The following SLC7A14 variants were observed in gnomAD, a reference collection of about 807,000 sequenced individuals.
SLC7A14 encodes gamma-aminobutyric acid transporter SLC7A14.
SLC7A14 carries 37 observed loss-of-function variants against 60.2 expected under a neutral mutation model. The observed-to-expected ratio is 0.61, with a 90% CI of 0.47 to 0.81. The LOEUF is 0.81. Ranked by LOEUF, SLC7A14 falls within the 30% of genes least tolerant of loss-of-function variation. The pLI is 0.00. For synonymous variants in SLC7A14, 399 were observed against 395.8 expected (o/e 1.01, Z -0.10); for missense variants, 886 against 982.7 (o/e 0.90, Z 1.32).
At chr3:170,564,295 A>G (rs1714736780) in intron 1 of SLC7A14, among the ~76,000 whole-genome samples, 1 of 152,134 alleles carries the variant, frequency 6.6e-6, no homozygotes, top group South Asian at 2.1e-4. Context: ...GTTGTTAGAG[A>G]TCTGTTGTGC....
chr3:170,551,303 G>C (rs1200985890), intron 1 of SLC7A14, among the ~76,000 whole-genome samples: 1 of 152,156 alleles, frequency 6.6e-6, no homozygotes, highest in Non-Finnish European at 1.5e-5. Flanking sequence ...ATAGTATTCA[G>C]TTGATACCAT....
At chr3:170,576,432 G>C (rs1417969984) in intron 1 of SLC7A14, among the ~76,000 whole-genome samples, 4 of 152,210 alleles carry the variant, frequency 2.6e-5, no homozygotes, top group African/African-American at 9.6e-5. Flanking sequence ...ATATTAACCT[G>C]CTGGGAATCT....
chr3:170,531,135 C>A (rs1290314489), intron 1 of SLC7A14, among the ~76,000 whole-genome samples: 2 of 152,100 alleles, frequency 1.3e-5, no homozygotes, highest in Non-Finnish European at 2.9e-5. Context: ...GCTAGCACAG[C>A]AGAATTGAGG....
At position 170,480,626 on chromosome 3, in the gene SLC7A14, G is replaced by T; in HGVS notation, c.1656C>A (p.Gly552=). The T allele has an allele frequency of 6.2e-7, 1 of 1,614,244 alleles. No homozygotes were observed. The highest frequency in any genetic ancestry group is 2.2e-5 in the East Asian group (1 of 44,888). ...TCGCTGCTGTGGGCCGGTCCATTTT[G>T]CCTGGAAGGCCCAGCCGGATTCTCA... ...YTMRIRLGLP[G]KMDRPTAATG... The change falls in exon 7 of 8, where the codon GGC becomes GGA. Residue 552 remains glycine, a synonymous_variant. Transcript: ENST00000231706.
At chr3:170,544,955 G>A (rs770073318) in intron 1 of SLC7A14, among the ~76,000 whole-genome samples, 11 of 152,226 alleles carry the variant, frequency 7.2e-5, no homozygotes, top group East Asian at 3.9e-4. Context: ...TTTTCTGTGC[G>A]GTCTAATACA....
At chr3:170,513,091 A>G (rs1713038586) in intron 2 of SLC7A14, among the ~76,000 whole-genome samples, 1 of 152,172 alleles carries the variant, frequency 6.6e-6, no homozygotes, top group Non-Finnish European at 1.5e-5. Flanking sequence ...CTCCTACTGA[A>G]TGCAACAGCA....
chr3:170,496,808 G>A (rs535583216), intron 4 of SLC7A14, among the ~76,000 whole-genome samples: 2 of 152,328 alleles, frequency 1.3e-5, no homozygotes, highest in South Asian at 4.1e-4. Flanking sequence ...GGCTCCGCCA[G>A]GGCCATGGTT....
intron 2 of SLC7A14, among the ~76,000 whole-genome samples, chr3:170,504,766 A>C (rs1452490021): frequency 1.3e-5 from 2 of 152,090 alleles, no homozygotes; most frequent in Non-Finnish European, 2.9e-5. Flanking sequence ...TTTACAGCTA[A>C]AGTCAACTCT....
At chr3:170,559,505 C>T (rs576932318) in intron 1 of SLC7A14, among the ~76,000 whole-genome samples, 22 of 152,164 alleles carry the variant, frequency 1.4e-4, no homozygotes, top group Non-Finnish European at 2.6e-4. Flanking sequence ...ATAAGAGATG[C>T]GGCAGTCACA....
At chr3:170,492,714 G>A (rs1712260760) in intron 4 of SLC7A14, among the ~76,000 whole-genome samples, 1 of 152,172 alleles carries the variant, frequency 6.6e-6, no homozygotes, top group Non-Finnish European at 1.5e-5. Flanking sequence ...TACTCAGTAT[G>A]TGAGGTCCCT....
At chr3:170,559,832 A>G (rs1037639199) in intron 1 of SLC7A14, among the ~76,000 whole-genome samples, 1 of 152,230 alleles carries the variant, frequency 6.6e-6, no homozygotes, top group Admixed American at 6.5e-5. Flanking sequence ...ATGTGTAGTT[A>G]GCAACTAAAT....
intron 2 of SLC7A14, among the ~76,000 whole-genome samples, chr3:170,515,318 C>A (rs998081373): frequency 5.2e-5 from 5 of 96,586 alleles, no homozygotes; most frequent in African/African-American, 1.9e-4. Context: ...GTCCGCCCCC[C>A]CCAAAAAAAA....
At chr3:170,479,629 G>GA (rs1711744398) in intron 7 of SLC7A14, among the ~76,000 whole-genome samples, 2 of 152,222 alleles carry the variant, frequency 1.3e-5, no homozygotes, top group African/African-American at 4.8e-5. Flanking sequence ...GCAGGAGAGA[G>GA]AAAATCAGTA....
intron 1 of SLC7A14, among the ~76,000 whole-genome samples, chr3:170,539,205 C>G (rs1359451943): frequency 2.0e-5 from 3 of 152,192 alleles, no homozygotes; most frequent in Admixed American, 2.0e-4. Flanking sequence ...CCTTTCCATT[C>G]TTGAAATACA....
At chr3:170,467,468 A>AACGG in intron 7 of SLC7A14, 91 bp from the exon 8 acceptor site, 1 of 235,714 alleles carries the variant, frequency 4.2e-6, no homozygotes, top group African/African-American at 3.6e-5. Flanking sequence ...ATGAAATCAA[A>AACGG]GCTGGCGGGG....
chr3:170,501,156 G>A lies in SLC7A14; in HGVS notation c.494C>T (p.Thr165Ile). The change falls in exon 3 of 8, where the codon ACC (threonine) becomes ATC (isoleucine). Residue 165 changes from threonine to isoleucine, a missense_variant. Coordinates refer to ENST00000231706, the MANE Select transcript of SLC7A14 (RefSeq NM_020949.3). ...GCTGTCCGCCATCCAGCGGCTGATG[G>A]TGTGGTTGGCTAGTGAGTCAAACAT... The part of the protein sequence containing the change: ...SSMFDSLANH[T>I]ISRWMADSVG... 6.2e-7 allele frequency: 1 copy of A among 1,614,226 alleles called. No homozygotes were observed. Among genetic ancestry groups the A allele is most frequent in the Non-Finnish European group, 8.5e-7 (1 of 1,180,042 alleles).
intron 2 of SLC7A14, among the ~76,000 whole-genome samples, chr3:170,512,893 A>G (rs1386490744): frequency 6.6e-6 from 1 of 151,840 alleles, no homozygotes; most frequent in Non-Finnish European, 1.5e-5. Context: ...TCGATCTACA[A>G]TTTGCATTTT....
At chr3:170,502,881 C>G (rs998152873) in intron 2 of SLC7A14, 9 of 152,346 alleles carry the variant, frequency 5.9e-5, no homozygotes, top group African/African-American at 2.2e-4. Context: ...TGTTTCTACT[C>G]CATCCCTGTA....
chr3:170,475,932 C>T (rs966156804), intron 7 of SLC7A14, among the ~76,000 whole-genome samples: 2 of 152,048 alleles, frequency 1.3e-5, no homozygotes, highest in Admixed American at 6.6e-5. Context: ...AGGCTGGTCT[C>T]GAATTCCTGA....
Sources: allele counts gnomAD v4.1 joint callset (sites outside exome capture counted in the v4.1 genomes callset), GRCh38; gene constraint gnomAD v4.1.1; transcripts MANE v1.5; gene names NCBI Gene and HGNC (gene_info 2026-07-23, HGNC 2026-07-21).